Variants in RASEF observed in about 807,000 individuals in gnomAD.
The protein encoded by RASEF is ras and EF-hand domain-containing protein.
A neutral mutation model predicts 90.1 loss-of-function variants in RASEF; 68 were observed. The observed-to-expected ratio is 0.75, with a 90% CI of 0.62 to 0.92. The LOEUF (loss-of-function observed/expected upper bound fraction) is 0.92, where lower values mean the gene tolerates loss of function less well. Ranked by LOEUF, RASEF falls within the 40% of genes least tolerant of loss-of-function variation. The pLI is 0.00. For missense variants in RASEF, 949 were observed against 937.2 expected (o/e 1.01, Z -0.16); for synonymous variants, 331 against 345.2 (o/e 0.96, Z 0.46).
At chr9:83,072,430 T>A in the RASEF span, among the ~76,000 whole-genome samples, 2 of 152,162 alleles carry the variant, frequency 1.3e-5, no homozygotes, top group Non-Finnish European at 2.9e-5. Context: ...GACAGATGTA[T>A]ATATGAAAGG....
At chr9:83,036,627 T>A (rs1461344579) in intron 1 of RASEF, among the ~76,000 whole-genome samples, 2 of 152,174 alleles carry the variant, frequency 1.3e-5, no homozygotes, top group Non-Finnish European at 2.9e-5. Flanking sequence ...CTCCAAATGG[T>A]TAACTGTCAT....
At chr9:83,161,591 G>A in the RASEF span, among the ~76,000 whole-genome samples, 1 of 152,026 alleles carries the variant, frequency 6.6e-6, no homozygotes, top group South Asian at 2.1e-4. Context: ...GTGGACTTTT[G>A]AGTTAATGCT....
the RASEF span, among the ~76,000 whole-genome samples, chr9:83,072,146 C>G: frequency 6.6e-6 from 1 of 152,098 alleles, no homozygotes; most frequent in African/African-American, 2.4e-5. Context: ...ACCAGGTATT[C>G]TCCTCCCCTA....
chr9:83,048,037 T>C, intron 1 of RASEF: 2 of 835,286 alleles, frequency 2.4e-6, no homozygotes, highest in Non-Finnish European at 2.9e-6. Flanking sequence ...GTGGCTGAGC[T>C]GAGAAGTGGC....
At chr9:83,139,490 A>C in the RASEF span, among the ~76,000 whole-genome samples, 1 of 152,208 alleles carries the variant, frequency 6.6e-6, no homozygotes, top group Non-Finnish European at 1.5e-5. Flanking sequence ...TCTTACAATA[A>C]ACTGAGGAAA....
chr9:83,179,873 C>T, the RASEF span, among the ~76,000 whole-genome samples: 3 of 151,992 alleles, frequency 2.0e-5, no homozygotes, highest in Admixed American at 2.0e-4. Context: ...CTAAAAATGA[C>T]AGTAAAAGAG....
intron 14 of RASEF, among the ~76,000 whole-genome samples, chr9:82,995,176 C>T (rs1039360758): frequency 5.3e-5 from 8 of 152,206 alleles, no homozygotes; most frequent in African/African-American, 1.7e-4. Flanking sequence ...AGTTGCTTTG[C>T]AAATTATGGC....
At chr9:82,995,453 TTTTTA>T in intron 14 of RASEF, among the ~76,000 whole-genome samples, 1 of 152,272 alleles carries the variant, frequency 6.6e-6, no homozygotes, top group Non-Finnish European at 1.5e-5. Flanking sequence ...TTGGGATTCC[TTTTTA>T]TTTGAGATGG....
the RASEF span, among the ~76,000 whole-genome samples, chr9:83,152,221 G>GA: frequency 5.3e-5 from 8 of 152,282 alleles, no homozygotes; most frequent in East Asian, 1.5e-3. Flanking sequence ...CCTACTCTAG[G>GA]AAAAACTAAA....
At chr9:83,069,684 A>T in the RASEF span, among the ~76,000 whole-genome samples, 2 of 152,176 alleles carry the variant, frequency 1.3e-5, no homozygotes, top group Non-Finnish European at 2.9e-5. Context: ...GGAAGTTCCT[A>T]GCAATAAGAT....
At chr9:82,982,805 CAGAGAGAG>C (rs60689330) in intron 16 of RASEF, 23 bp from the exon 17 acceptor site, 1,921 of 908,550 alleles carry the variant, frequency 2.1e-3, no homozygotes, top group East Asian at 2.4e-3. Context: ...TAGAGAGAGA[CAGAGAGAG>C]AGAGAGAGAG....
At chr9:83,138,003 T>C in the RASEF span, among the ~76,000 whole-genome samples, 1 of 151,912 alleles carries the variant, frequency 6.6e-6, no homozygotes, top group Non-Finnish European at 1.5e-5. Context: ...AAGATATAGA[T>C]ACAATTTAAT....
chr9:83,189,066 C>G, the RASEF span, among the ~76,000 whole-genome samples: 246 of 152,064 alleles, frequency 1.6e-3, no homozygotes, highest in African/African-American at 5.8e-3. Flanking sequence ...CCAGCTGATA[C>G]GGGTTGGCTG....
At chr9:83,105,427 T>A in the RASEF span, among the ~76,000 whole-genome samples, 2 of 152,200 alleles carry the variant, frequency 1.3e-5, no homozygotes, top group Non-Finnish European at 2.9e-5. Context: ...TACACTCATT[T>A]GGGGTCACTG....
the RASEF span, among the ~76,000 whole-genome samples, chr9:83,191,786 T>G: frequency 6.6e-6 from 1 of 152,216 alleles, no homozygotes. Flanking sequence ...TTACAGTGAC[T>G]TGAATGAAAA....
At chr9:83,187,910 C>T in the RASEF span, among the ~76,000 whole-genome samples, 2 of 152,236 alleles carry the variant, frequency 1.3e-5, no homozygotes, top group Admixed American at 6.5e-5. Context: ...AGCCGTGAGA[C>T]TGTAAGCACA....
At chr9:83,184,351 G>T in the RASEF span, among the ~76,000 whole-genome samples, 11 of 152,128 alleles carry the variant, frequency 7.2e-5, no homozygotes, top group Non-Finnish European at 1.0e-4. Flanking sequence ...GAATAACGGA[G>T]GATCTGATCA....
chr9:83,010,854 G>T (rs1356971152), intron 5 of RASEF, among the ~76,000 whole-genome samples: 1 of 151,818 alleles, frequency 6.6e-6, no homozygotes, highest in Admixed American at 6.6e-5. Context: ...TGTTCACACC[G>T]TCCCACAGGA....
chr9:83,146,641 A>C, the RASEF span, among the ~76,000 whole-genome samples: 1 of 152,192 alleles, frequency 6.6e-6, no homozygotes. Context: ...CTTCTGTCTG[A>C]CCGAAATTTT....
Sources: gnomAD v4.1 joint callset for allele counts (sites outside exome capture counted in the v4.1 genomes callset) on GRCh38, gnomAD v4.1.1 for gene constraint, MANE v1.5 for transcripts, NCBI Gene and HGNC (gene_info 2026-07-23, HGNC 2026-07-21) for gene names.